The following FAM149A variants were observed in gnomAD, a reference collection of about 807,000 sequenced individuals.
FAM149A encodes the protein family with sequence similarity 149 member A, also known as protein FAM149A.
FAM149A carries 71 observed loss-of-function variants against 78.2 expected under a neutral mutation model. The observed-to-expected ratio is 0.91, with a 90% CI of 0.75 to 1.11. The LOEUF (loss-of-function observed/expected upper bound fraction) is 1.11. Ranked by LOEUF, FAM149A falls within the 50% of genes least tolerant of loss-of-function variation. The pLI, the probability that FAM149A is intolerant of heterozygous loss-of-function variation, is 0.00. For missense variants in FAM149A, 1,036 were observed against 971.0 expected (o/e 1.07, Z -0.89); for synonymous variants, 446 against 410.5 (o/e 1.09, Z -1.04).
In FAM149A at chr4:186,105,387, G is replaced by A. The variant is rs1450378508; in HGVS notation, c.311G>A (p.Gly104Asp). The A allele has an allele frequency of 2.9e-5, 34 of 1,183,494 alleles. No individual in the cohort carries two copies. The highest frequency in any genetic ancestry group is 3.4e-5 in the Non-Finnish European group (32 of 944,958). The allele number at this position is 1,183,494 out of a possible 1,614,324, so 73.3% of individuals were successfully genotyped here. Reference sequence around the variant, plus strand: ...TCTTGGCCCAGTAGCCCTAGAGCGGGTAAAGCCCCGCCCCAGCCCCCCACT... The same window carrying A: ...TCTTGGCCCAGTAGCCCTAGAGCGGATAAAGCCCCGCCCCAGCCCCCCACT... The change falls in exon 1 of 14, where the codon GGT (glycine) becomes GAT (aspartate). Residue 104 changes from glycine (G) to aspartate (D), a missense_variant. By Grantham distance (94) the Gly-to-Asp change is moderately conservative (BLOSUM62 -1). Coordinates refer to ENST00000389354, the MANE Select transcript of FAM149A (RefSeq NM_001367768.3).
In FAM149A at chr4:186,157,576, CAGAG is replaced by C. The variant is rs774121615; in HGVS notation, c.1436_1439del (p.Arg479LysfsTer3). On this transcript the variant is annotated frameshift_variant, in exon 8 of 14. Transcript: ENST00000389354. LOFTEE classifies it high-confidence loss of function. ...TTCTGTTGACACAGAAGGGAAAAAA[CAGAG>C]AGAAACATTGAAAGTGGCTGGAAAC... is the stretch of plus-strand genomic sequence containing the variant. The C allele has an allele frequency of 2.5e-6, 4 of 1,613,856 alleles. No individual in the cohort carries two copies. The African/African-American group carries it at 4.0e-5, about 16-fold the overall frequency.
intron 3 of FAM149A, among the ~76,000 whole-genome samples, chr4:186,150,521 G>A (rs28374091): frequency 6.2e-5 from 8 of 129,180 alleles, no homozygotes; most frequent in South Asian, 3.1e-4. Context: ...CCGGGTTCAC[G>A]CCATTCTCCT....
In FAM149A at chr4:186,104,741, C is replaced by CGCGGGCGGCGGGAG. The variant is rs2099308054; in HGVS notation, c.-324_-323insAGGCGGGCGGCGGG. ...GGCCGGGTGTGTTGAACGTAGCAAC[C>CGCGGGCGGCGGGAG]GCGGGCGGCGGGCGGCGGGCGGCGG... On this transcript the variant is annotated 5_prime_UTR_variant, in exon 1 of 14. Transcript: ENST00000389354. 6.7e-6 allele frequency among the ~76,000 whole-genome samples: 1 copy of CGCGGGCGGCGGGAG among 149,422 alleles called. No individual in the cohort carries two copies. Among genetic ancestry groups the CGCGGGCGGCGGGAG allele is most frequent in the Non-Finnish European group, 1.5e-5 (1 of 67,236 alleles).
At chr4:186,105,715 C>T (rs2099308469) in intron 1 of FAM149A, 73 bp downstream of exon 1, 6 of 952,850 alleles carry the variant, frequency 6.3e-6, no homozygotes, top group Non-Finnish European at 6.4e-6. Context: ...CCGCACTCAC[C>T]TTCGCAGGTG....
chr4:186,154,831 A>G (rs1220286698), intron 6 of FAM149A, 193 bp downstream of exon 6: 35 of 985,296 alleles, frequency 3.6e-5, no homozygotes, highest in Non-Finnish European at 4.2e-5. Flanking sequence ...AGCAGCGAAG[A>G]GGGTGTTCAG....
intron 1 of FAM149A, among the ~76,000 whole-genome samples, chr4:186,140,545 A>C (rs1361180929): frequency 7.0e-6 from 1 of 143,556 alleles, no homozygotes; most frequent in South Asian, 2.2e-4. Flanking sequence ...TTGGCGTCCC[A>C]AGGTGCTGAG....
At chr4:186,147,925 G>T (rs898109853) in intron 1 of FAM149A, among the ~76,000 whole-genome samples, 8 of 151,968 alleles carry the variant, frequency 5.3e-5, no homozygotes, top group African/African-American at 1.9e-4. Flanking sequence ...AAGCAACAAA[G>T]AGAATAAAAA....
rs1561396522 is a variant in FAM149A at position 186,136,994 on chromosome 4, C to CTCTCTCTCTCTCTTTCTCTCTT, written c.567-12166_567-12165insTTCTCTCTTTCTCTCTCTCTCT. On this transcript the variant is annotated intron_variant, in intron 1 of 13. Coordinates refer to ENST00000389354, the MANE Select transcript of FAM149A (RefSeq NM_001367768.3). ...TCTCTCTTTCTCTCTCTCTCTCTCTCTCTCTCTCTCTCTCTCTCTCTCTCT... is the reference window on the plus strand; with the variant it reads ...TCTCTCTTTCTCTCTCTCTCTCTCTCTCTCTCTCTCTCTTTCTCTCTTTCTCTCTCTCTCTCTCTCTCTCTCT... Among the ~76,000 whole-genome samples the CTCTCTCTCTCTCTTTCTCTCTT allele has an allele frequency of 1.6e-4, 22 of 136,546 alleles. 1 individual carries two copies. Among genetic ancestry groups the CTCTCTCTCTCTCTTTCTCTCTT allele is most frequent in the African/African-American group, 5.9e-4 (22 of 37,522 alleles). The allele number at this position is 136,546 out of a possible 152,430, so 89.6% of individuals were successfully genotyped here.
intron 1 of FAM149A, chr4:186,145,065 G>C: frequency 1.0e-6 from 1 of 984,228 alleles, no homozygotes. Flanking sequence ...CTAGCGCGGA[G>C]CCTGGCGCGG....
intron 4 of FAM149A, among the ~76,000 whole-genome samples, chr4:186,152,445 C>A (rs142201086): frequency 1.3e-5 from 2 of 152,044 alleles, no homozygotes; most frequent in East Asian, 1.9e-4. Flanking sequence ...CCCATCTCAC[C>A]CATTCCTTAT....
intron 1 of FAM149A, chr4:186,124,130 A>G (rs2099317236): frequency 2.0e-6 from 2 of 985,230 alleles, no homozygotes; most frequent in Non-Finnish European, 2.4e-6. Context: ...ACTTACGATA[A>G]GATACCAAGA....
Position 186,157,546 on chromosome 4 carries a change from G to T in FAM149A, c.1421-19G>T. 6.2e-7 allele frequency: 1 copy of T among 1,608,236 alleles called. No individual in the cohort carries two copies. Among genetic ancestry groups the T allele is most frequent in the African/African-American group, 1.3e-5 (1 of 74,896 alleles). ...ATAATCTGATGTTTCTTGTAATATT[G>T]ATTCTTCTGTTGACACAGAAGGGAA... On this transcript the variant is annotated intron_variant, in intron 7 of 13. Transcript: ENST00000389354.
intron 1 of FAM149A, among the ~76,000 whole-genome samples, chr4:186,140,789 T>C (rs139714513): frequency 8.8e-4 from 134 of 152,348 alleles, no homozygotes; most frequent in African/African-American, 3.0e-3. Flanking sequence ...GAAAATCGTA[T>C]GGACTAAGTA....
chr4:186,126,050 G>A (rs2126321516), intron 1 of FAM149A: 4 of 985,334 alleles, frequency 4.1e-6, no homozygotes, highest in Non-Finnish European at 4.8e-6. Flanking sequence ...TTTGGGTGGT[G>A]TTTCCCAGAC....
At chr4:186,122,252 C>A (rs1259500342) in intron 1 of FAM149A, among the ~76,000 whole-genome samples, 1 of 152,054 alleles carries the variant, frequency 6.6e-6, no homozygotes, top group African/African-American at 2.4e-5. Flanking sequence ...TGGGGAAAGG[C>A]GGAAGAACCA....
In FAM149A at chr4:186,144,062, T is replaced by C. The variant is rs1225701790; in HGVS notation, c.567-5111T>C. 6.6e-6 allele frequency: 1 copy of C among 152,050 alleles called. No individual in the cohort carries two copies. Among genetic ancestry groups the C allele is most frequent in the African/African-American group, 2.4e-5 (1 of 41,392 alleles). The allele number at this position is 152,050 out of a possible 1,614,324, so 9.4% of individuals were successfully genotyped here. Reference sequence around the variant, plus strand: ...GTACCGGCACCCAGTGCACTAACTGTCATTACTAAAATCCCTGTCGTGGGA... The same window carrying C: ...GTACCGGCACCCAGTGCACTAACTGCCATTACTAAAATCCCTGTCGTGGGA... On this transcript the variant is annotated intron_variant, in intron 1 of 13. Coordinates refer to ENST00000389354, the MANE Select transcript of FAM149A (RefSeq NM_001367768.3). This position sits in a 1 kb window ranked among gnomAD's most constrained non-coding sequence, Gnocchi z 4.2.
At chr4:186,122,811 A>T (rs367736038) in intron 1 of FAM149A, 3 of 668,074 alleles carry the variant, frequency 4.5e-6, no homozygotes, top group East Asian at 1.4e-4. Flanking sequence ...AAATGATGAA[A>T]CAAAAGATCG....
intron 8 of FAM149A, among the ~76,000 whole-genome samples, chr4:186,161,137 A>G (rs1028635718): frequency 6.6e-6 from 1 of 152,182 alleles, no homozygotes; most frequent in Admixed American, 6.5e-5. Context: ...AATTATATAT[A>G]TTTTATAATG....
At chr4:186,110,615 A>T (rs1443321224) in intron 1 of FAM149A, among the ~76,000 whole-genome samples, 1 of 129,878 alleles carries the variant, frequency 7.7e-6, no homozygotes, top group Non-Finnish European at 1.6e-5. Context: ...TCATTGTTCA[A>T]TTCCCACCTA....
Sources: gnomAD v4.1 joint callset for allele counts (sites outside exome capture counted in the v4.1 genomes callset) on GRCh38, gnomAD v4.1.1 for gene constraint, Gnocchi (gnomAD v3.1) non-coding constraint, MANE v1.5 for transcripts, NCBI Gene and HGNC (gene_info 2026-07-23, HGNC 2026-07-21) for gene names.